Variants in EHBP1 observed in about 807,000 individuals in gnomAD.
EHBP1 encodes EH domain binding protein 1, also known as EH domain-binding protein 1.
A neutral mutation model predicts 144.0 loss-of-function variants in EHBP1; 55 were observed. That is an observed-to-expected ratio of 0.38 (90% CI 0.31 to 0.48). EHBP1 has a LOEUF of 0.48. Among genes scored for constraint, EHBP1 ranks in the 20% least tolerant of loss-of-function variants. The probability of loss-of-function intolerance (pLI) is 0.98; values close to 1 mark genes in which losing one functional copy is unlikely to be tolerated. For missense variants in EHBP1, 1,200 were observed against 1,364.2 expected (o/e 0.88, Z 1.90); for synonymous variants, 469 against 472.7 (o/e 0.99, Z 0.10).
At chr2:62,693,253 A>G (rs1190796670) in intron 1 of EHBP1, among the ~76,000 whole-genome samples, 1 of 152,142 alleles carries the variant, frequency 6.6e-6, no homozygotes. Context: ...TTCTTAATCC[A>G]TTCATCTGTT....
At chr2:63,017,479 G>A (rs141509424) in intron 19 of EHBP1, among the ~76,000 whole-genome samples, 1 of 152,326 alleles carries the variant, frequency 6.6e-6, no homozygotes, top group African/African-American at 2.4e-5. Flanking sequence ...TAAGAGAAAT[G>A]TGAGAATTAA....
intron 1 of EHBP1, among the ~76,000 whole-genome samples, chr2:62,675,769 T>C (rs1282319512): frequency 6.6e-6 from 1 of 152,198 alleles, no homozygotes; most frequent in Non-Finnish European, 1.5e-5. Context: ...GTTATTATTA[T>C]TGTTGTTATT....
At chr2:62,764,126 A>G (rs2040980994) in intron 3 of EHBP1, 140 bp from the exon 4 acceptor site, 2 of 597,080 alleles carry the variant, frequency 3.3e-6, no homozygotes, top group Non-Finnish European at 5.5e-6. Flanking sequence ...CAGGGATACT[A>G]CATAGGGTCA....
chr2:62,988,929 T>A (rs1321564768), intron 15 of EHBP1, among the ~76,000 whole-genome samples: 1 of 152,152 alleles, frequency 6.6e-6, no homozygotes, highest in African/African-American at 2.4e-5. Flanking sequence ...TCTTTCCCTG[T>A]TGGAAATACT....
chr2:62,841,041 A>G (rs2047795361), intron 7 of EHBP1, among the ~76,000 whole-genome samples: 1 of 152,156 alleles, frequency 6.6e-6, no homozygotes. Context: ...ACATGCACAC[A>G]TATGTTTATT....
intron 1 of EHBP1, among the ~76,000 whole-genome samples, chr2:62,678,923 T>C (rs113646397): frequency 6.6e-5 from 10 of 152,286 alleles, no homozygotes; most frequent in African/African-American, 2.4e-4. Context: ...TTTAAAGCCA[T>C]GTTAATTTTA....
intron 19 of EHBP1, among the ~76,000 whole-genome samples, chr2:63,024,878 C>G (rs916376987): frequency 6.6e-6 from 1 of 151,750 alleles, no homozygotes; most frequent in Non-Finnish European, 1.5e-5. Context: ...CACCTGTAGT[C>G]TCAGCTACTC....
At chr2:62,923,619 A>G (rs1425225690) in intron 10 of EHBP1, among the ~76,000 whole-genome samples, 1 of 152,118 alleles carries the variant, frequency 6.6e-6, no homozygotes, top group African/African-American at 2.4e-5. Context: ...GCCTCTGGCA[A>G]GGAGCTCCCA....
At chr2:62,988,898 G>C (rs2059304411) in intron 15 of EHBP1, among the ~76,000 whole-genome samples, 2 of 152,122 alleles carry the variant, frequency 1.3e-5, no homozygotes, top group Admixed American at 1.3e-4. Context: ...GCATGCACCT[G>C]CAATGCTAAT....
chr2:62,802,795 G>A lies in EHBP1; in HGVS notation c.313-23292G>A, dbSNP rs571943824. ...GCTGGAGTGCAGTGGTGCAATCTCG[G>A]CTCACTGCAACCTCCGCCTCCAAGG... On this transcript the variant is annotated intron_variant, in intron 5 of 22. Transcript: ENST00000431489. Among the ~76,000 whole-genome samples, 3 of 149,760 alleles carry A rather than the reference G, an allele frequency of 2.0e-5. No homozygotes were observed. The East Asian group carries it at 5.9e-4, about 30-fold the overall frequency.
intron 5 of EHBP1, among the ~76,000 whole-genome samples, chr2:62,776,936 A>C (rs949692925): frequency 3.3e-5 from 5 of 152,202 alleles, no homozygotes; most frequent in African/African-American, 1.2e-4. Flanking sequence ...AATTAAATCC[A>C]GAACCATTAC....
intron 19 of EHBP1, among the ~76,000 whole-genome samples, chr2:63,017,738 C>T (rs2060541954): frequency 6.6e-6 from 1 of 152,132 alleles, no homozygotes; most frequent in Non-Finnish European, 1.5e-5. Context: ...TAATATTGTT[C>T]TCTTCTCACA....
At chr2:62,811,256 T>G (rs1558712685) in intron 5 of EHBP1, among the ~76,000 whole-genome samples, 3 of 152,192 alleles carry the variant, frequency 2.0e-5, no homozygotes. Context: ...TCTTTTTGGT[T>G]GAGAGAGCTT....
chr2:62,879,407 C>T (rs1455519231), intron 10 of EHBP1, among the ~76,000 whole-genome samples: 2 of 151,990 alleles, frequency 1.3e-5, no homozygotes, highest in East Asian at 3.9e-4. Flanking sequence ...CTCCAAAGCT[C>T]CTAGATCCAA....
chr2:62,785,265 A>G (rs1381847629), intron 5 of EHBP1, among the ~76,000 whole-genome samples: 2 of 152,170 alleles, frequency 1.3e-5, no homozygotes, highest in South Asian at 4.1e-4. Context: ...CACAGTTTAA[A>G]AAAGATATTT....
chr2:62,675,213 G>C (rs2033240436), intron 1 of EHBP1, among the ~76,000 whole-genome samples: 2 of 152,206 alleles, frequency 1.3e-5, no homozygotes. Context: ...CTCCAGAGTA[G>C]CCTGTAGGGT....
intron 14 of EHBP1, among the ~76,000 whole-genome samples, chr2:62,964,321 G>A (rs2058139642): frequency 6.6e-6 from 1 of 152,272 alleles, no homozygotes; most frequent in African/African-American, 2.4e-5. Flanking sequence ...CTCCTTTTAT[G>A]CAAGTAATAA....
At chr2:62,769,547 A>G (rs564312592) in intron 4 of EHBP1, among the ~76,000 whole-genome samples, 1 of 152,310 alleles carries the variant, frequency 6.6e-6, no homozygotes, top group Admixed American at 6.5e-5. Flanking sequence ...GTGCTTGTGA[A>G]TAGGAAAAAC....
intron 5 of EHBP1, among the ~76,000 whole-genome samples, chr2:62,816,714 C>G (rs2045477667): frequency 6.6e-6 from 1 of 152,320 alleles, no homozygotes; most frequent in African/African-American, 2.4e-5. Flanking sequence ...AGACGTGGCT[C>G]TATTGTCTCC....
Sources: allele counts gnomAD v4.1 joint callset (sites outside exome capture counted in the v4.1 genomes callset), GRCh38; gene constraint gnomAD v4.1.1; transcripts MANE v1.5; gene names NCBI Gene and HGNC (gene_info 2026-07-23, HGNC 2026-07-21).